Variants in PCDH9 observed in about 807,000 individuals in gnomAD.
The protein encoded by PCDH9 is protocadherin 9.
A neutral mutation model predicts 70.6 loss-of-function variants in PCDH9; 24 were observed. The observed-to-expected ratio is 0.34, with a 90% CI of 0.25 to 0.48. The LOEUF (loss-of-function observed/expected upper bound fraction) is 0.48, where lower values mean the gene tolerates loss of function less well. Among genes scored for constraint, PCDH9 ranks in the 20% least tolerant of loss-of-function variants. The pLI, the probability that PCDH9 is intolerant of heterozygous loss-of-function variation, is 0.99. For synonymous variants in PCDH9, 562 were observed against 558.5 expected (o/e 1.01, Z -0.09); for missense variants, 1,281 against 1,503.6 (o/e 0.85, Z 2.45).
At chr13:66,643,484 G>A (rs965317036) in intron 3 of PCDH9, among the ~76,000 whole-genome samples, 5 of 151,978 alleles carry the variant, frequency 3.3e-5, no homozygotes, top group South Asian at 2.1e-4. Flanking sequence ...ACATTTCAGC[G>A]ATAACCGCTA....
rs1284209420 is a variant in PCDH9 at position 66,615,150 on chromosome 13, T to C, written c.3340+16060A>G. ...TGATTTCTTTATTATGGCTAGAAGA[T>C]ATTTAATAATGTTAGCACAGGTCTT... is the stretch of plus-strand genomic sequence containing the variant. On this transcript the variant is annotated intron_variant, in intron 4 of 4. Coordinates refer to ENST00000377865, the MANE Select transcript of PCDH9 (RefSeq NM_203487.3). Among the ~76,000 whole-genome samples, 3 of 152,230 alleles carry C rather than the reference T, an allele frequency of 2.0e-5. No individual in the cohort carries two copies. In the East Asian group the frequency reaches 5.8e-4, roughly 29 times the overall value.
rs1382999361 is a variant in PCDH9, at chr13:66,730,889, TTGTTTC to T, written c.3139-99484_3139-99479del. ...TTGTGTGTGTGTGTTTTTTTTTTGT[TTGTTTC>T]TTTTTTTTTGTGGAGACAGAGGTCT... On this transcript the variant is annotated intron_variant, in intron 3 of 4. Coordinates refer to ENST00000377865, the MANE Select transcript of PCDH9 (RefSeq NM_203487.3). 5.6e-3 allele frequency among the ~76,000 whole-genome samples: 146 copies of T among 26,046 alleles called. 8 individuals carry two copies. The highest frequency in any genetic ancestry group is 0.027 in the South Asian group (7 of 264). 17.1% of individuals were successfully genotyped at this position (26,046 alleles called of 152,430 possible).
chr13:66,988,783 G>A (rs2083943974), intron 2 of PCDH9, among the ~76,000 whole-genome samples: 1 of 151,936 alleles, frequency 6.6e-6, no homozygotes, highest in Non-Finnish European at 1.5e-5. Flanking sequence ...TAGATGACTT[G>A]TTCACAGCTT....
Position 66,684,003 on chromosome 13 carries a change from G to C in PCDH9, c.3139-52592C>G, listed in dbSNP as rs535831306. Among the ~76,000 whole-genome samples the C allele has an allele frequency of 6.6e-5, 10 of 152,188 alleles. No individual in the cohort carries two copies. The East Asian group carries it at 1.7e-3, about 27-fold the overall frequency. On this transcript the variant is annotated intron_variant, in intron 3 of 4. Coordinates refer to ENST00000377865, the MANE Select transcript of PCDH9 (RefSeq NM_203487.3). The stretch of plus-strand genomic sequence containing the variant: ...TTCTGTGCCTTATTGCCTTTAAATA[G>C]AGCATACACTTCCAGGGAGAGGGAT...
intron 2 of PCDH9, among the ~76,000 whole-genome samples, chr13:67,134,985 T>C (rs377244616): frequency 6.6e-6 from 1 of 152,124 alleles, no homozygotes; most frequent in Non-Finnish European, 1.5e-5. Flanking sequence ...GTGAAAACTT[T>C]CCAGTCCCTT....
chr13:66,446,483 G>A (rs774174462), intron 4 of PCDH9, among the ~76,000 whole-genome samples: 1 of 151,998 alleles, frequency 6.6e-6, no homozygotes, highest in Non-Finnish European at 1.5e-5. Flanking sequence ...GGTACACCTC[G>A]AAGAAACTAG....
intron 3 of PCDH9, among the ~76,000 whole-genome samples, chr13:66,680,748 C>G (rs565092697): frequency 6.6e-6 from 1 of 151,826 alleles, no homozygotes; most frequent in African/African-American, 2.4e-5. Flanking sequence ...ATTAAACTTC[C>G]CCAAGCGCAA....
chr13:66,927,261 C>T (rs547160696), intron 2 of PCDH9, among the ~76,000 whole-genome samples: 3 of 152,072 alleles, frequency 2.0e-5, no homozygotes, highest in Admixed American at 2.0e-4. Context: ...ATAGGTGGAG[C>T]TGGAGGCCCT....
intron 3 of PCDH9, among the ~76,000 whole-genome samples, chr13:66,843,664 G>T (rs1234140321): frequency 6.6e-6 from 1 of 152,192 alleles, no homozygotes; most frequent in East Asian, 1.9e-4. Context: ...TTTTCATAGG[G>T]AGATGGGGTG....
intron 4 of PCDH9, among the ~76,000 whole-genome samples, chr13:66,497,234 A>T (rs1253091010): frequency 2.1e-5 from 3 of 143,982 alleles, no homozygotes; most frequent in Admixed American, 7.0e-5. Flanking sequence ...ACACCTGGCT[A>T]TTTTTTTTTT....
chr13:66,442,669 T>A (rs1160503562), intron 4 of PCDH9, among the ~76,000 whole-genome samples: 1 of 152,088 alleles, frequency 6.6e-6, no homozygotes, highest in African/African-American at 2.4e-5. Flanking sequence ...GTTTGTTGTT[T>A]TTTTTTCAGT....
intron 2 of PCDH9, among the ~76,000 whole-genome samples, chr13:67,025,896 G>A (rs2084770982): frequency 6.6e-6 from 1 of 152,106 alleles, no homozygotes; most frequent in South Asian, 2.1e-4. Context: ...GCATATAAAT[G>A]TATATGAATA....
intron 4 of PCDH9, among the ~76,000 whole-genome samples, chr13:66,305,538 G>A (rs1393521351): frequency 6.6e-6 from 1 of 151,798 alleles, no homozygotes; most frequent in Non-Finnish European, 1.5e-5. Context: ...TACTCTAAAT[G>A]ATTATATAAA....
intron 2 of PCDH9, among the ~76,000 whole-genome samples, chr13:66,955,824 G>C (rs1037940547): frequency 6.6e-6 from 1 of 152,300 alleles, no homozygotes; most frequent in East Asian, 1.9e-4. Flanking sequence ...TTGTACTCTT[G>C]TTATGCAAAT....
intron 4 of PCDH9, among the ~76,000 whole-genome samples, chr13:66,531,532 C>A (rs1960454233): frequency 6.6e-6 from 1 of 151,914 alleles, no homozygotes; most frequent in Non-Finnish European, 1.5e-5. Context: ...GCACCAATTT[C>A]ATTCACTTGA....
At chr13:66,841,683 C>A (rs11839893) in intron 3 of PCDH9, among the ~76,000 whole-genome samples, 2,444 of 152,120 alleles carry the variant, frequency 0.016, 80 homozygotes, top group African/African-American at 0.055. Context: ...TCTTACATAA[C>A]AATATCAAAT....
chr13:66,767,671 G>A (rs1016485449), intron 3 of PCDH9, among the ~76,000 whole-genome samples: 11 of 152,032 alleles, frequency 7.2e-5, no homozygotes, highest in Non-Finnish European at 2.9e-5. Flanking sequence ...ATACACACTA[G>A]AGTGTGGAAT....
chr13:66,335,752 T>C (rs1956026572), intron 4 of PCDH9, among the ~76,000 whole-genome samples: 1 of 152,126 alleles, frequency 6.6e-6, no homozygotes, highest in Non-Finnish European at 1.5e-5. Flanking sequence ...CAGCTTTTCT[T>C]CTTGACAGTT....
rs1311377081 is a variant in PCDH9, at chr13:66,395,832, CT to C, written c.3341-90805del. Among the ~76,000 whole-genome samples the C allele has an allele frequency of 1.3e-5, 2 of 151,942 alleles. 1 individual carries two copies. Among genetic ancestry groups the C allele is most frequent in the African/African-American group, 4.8e-5 (2 of 41,378 alleles). ...ACTGCAAAAAATGCTCTTATAGTAT[CT>C]TTTTTTGTGCTGTATTCTGATTAGT... On this transcript the variant is annotated intron_variant, in intron 4 of 4. Transcript: ENST00000377865.
Sources: allele counts gnomAD v4.1 joint callset (sites outside exome capture counted in the v4.1 genomes callset), GRCh38; gene constraint gnomAD v4.1.1; transcripts MANE v1.5; gene names NCBI Gene and HGNC (gene_info 2026-07-23, HGNC 2026-07-21).